The following P3H2 variants were observed in gnomAD, a reference collection of about 807,000 sequenced individuals.
P3H2 encodes the protein leprecan-like 1.
In P3H2, 80 loss-of-function variants were observed where a neutral mutation model predicts 87.0. The observed-to-expected ratio is 0.92, with a 90% CI of 0.77 to 1.11. P3H2 has a LOEUF of 1.11. Ranked by LOEUF, P3H2 falls within the 50% of genes least tolerant of loss-of-function variation. The probability of loss-of-function intolerance (pLI) is 0.00; values close to 1 mark genes in which losing one functional copy is unlikely to be tolerated. For synonymous variants in P3H2, 367 were observed against 359.3 expected (o/e 1.02, Z -0.24); for missense variants, 1,001 against 923.9 (o/e 1.08, Z -1.08).
rs879286759 is a variant in P3H2 at position 189,973,507 on chromosome 3, C to CTTTTTTTTTTTTTTTTTTTTT, written c.1548+401_1548+402insAAAAAAAAAAAAAAAAAAAAA. Among the ~76,000 whole-genome samples, 20 of 78,986 alleles carry CTTTTTTTTTTTTTTTTTTTTT rather than the reference C, an allele frequency of 2.5e-4. 1 individual carries two copies. The highest frequency in any genetic ancestry group is 3.6e-4 in the Non-Finnish European group (15 of 41,520). 51.8% of individuals were successfully genotyped at this position (78,986 alleles called of 152,430 possible). On this transcript the variant is annotated intron_variant, in intron 10 of 14. Coordinates refer to ENST00000319332, the MANE Select transcript of P3H2 (RefSeq NM_018192.4). Reference sequence around the variant, plus strand: ...TCAAAACTTTTTTCTTTCTTTCTTTCTTTCTTTTTTTTTTTTTTTTTTTTT... The same window carrying CTTTTTTTTTTTTTTTTTTTTT: ...TCAAAACTTTTTTCTTTCTTTCTTTCTTTTTTTTTTTTTTTTTTTTTTTTCTTTTTTTTTTTTTTTTTTTTT...
At chr3:190,091,580 A>C (rs1727410952) in intron 1 of P3H2, among the ~76,000 whole-genome samples, 1 of 152,232 alleles carries the variant, frequency 6.6e-6, no homozygotes, top group Admixed American at 6.5e-5. Flanking sequence ...AGTTTTCTTT[A>C]TAAATACCAA....
Position 189,958,993 on chromosome 3 carries a change from G to A in P3H2, c.2035-989C>T, listed in dbSNP as rs1444650900. Among the ~76,000 whole-genome samples, 3 of 151,748 alleles carry A rather than the reference G, an allele frequency of 2.0e-5. No homozygotes were observed. The East Asian group carries it at 5.8e-4, about 29-fold the overall frequency. ...AGTGAGCCACTGCACCCGGCCAATC[G>A]CTCCCTCTTGAGAGCCACCATTGTA... is the stretch of plus-strand genomic sequence containing the variant. On this transcript the variant is annotated intron_variant, in intron 14 of 14. Transcript: ENST00000319332.
At chr3:190,003,258 A>G (rs1034138729) in intron 1 of P3H2, among the ~76,000 whole-genome samples, 29 of 152,256 alleles carry the variant, frequency 1.9e-4, no homozygotes, top group African/African-American at 6.7e-4. Flanking sequence ...CACTCTAGTG[A>G]AGTTTTAGTC....
chr3:190,093,135 T>C (rs947847274), intron 1 of P3H2, among the ~76,000 whole-genome samples: 3 of 152,122 alleles, frequency 2.0e-5, no homozygotes, highest in Non-Finnish European at 4.4e-5. Context: ...TTCTAAGAAA[T>C]AATACTAAGC....
chr3:189,978,474 C>T (rs1723420279), intron 8 of P3H2, among the ~76,000 whole-genome samples: 1 of 152,118 alleles, frequency 6.6e-6, no homozygotes, highest in Non-Finnish European at 1.5e-5. Context: ...GACAATTCTC[C>T]TAGCATTCCA....
chr3:189,967,302 GT>G (rs1403797360), intron 13 of P3H2, among the ~76,000 whole-genome samples: 1 of 151,320 alleles, frequency 6.6e-6, no homozygotes, highest in East Asian at 1.9e-4. Flanking sequence ...TTTAAAAATA[GT>G]TATAGATTTT....
At chr3:190,030,022 A>G (rs1222458943) in intron 1 of P3H2, among the ~76,000 whole-genome samples, 1 of 152,036 alleles carries the variant, frequency 6.6e-6, no homozygotes, top group Admixed American at 6.6e-5. Context: ...AAGAAAAAAA[A>G]AGAAAAAAAG....
chr3:189,965,969 GAA>G (rs749675777), intron 13 of P3H2, among the ~76,000 whole-genome samples: 1 of 76,794 alleles, frequency 1.3e-5, no homozygotes, highest in African/African-American at 4.7e-5. Context: ...CTGGGTGACA[GAA>G]AAAAAAAAAA....
chr3:189,970,000 C>G, intron 13 of P3H2: 1 of 582,154 alleles, frequency 1.7e-6, no homozygotes, highest in Non-Finnish European at 3.1e-6. Context: ...AGGATGCTAA[C>G]TATATGGTCT....
At chr3:189,987,809 G>C in intron 4 of P3H2, 140 bp from the exon 5 acceptor site, 1 of 912,356 alleles carries the variant, frequency 1.1e-6, no homozygotes, top group Non-Finnish European at 1.7e-6. Flanking sequence ...AGCAGAGAAA[G>C]CAGAAACAGT....
At chr3:190,075,302 ATGG>A (rs1406204791) in intron 1 of P3H2, among the ~76,000 whole-genome samples, 1 of 152,156 alleles carries the variant, frequency 6.6e-6, no homozygotes, top group Non-Finnish European at 1.5e-5. Flanking sequence ...CCTGCCCAAC[ATGG>A]TGAAACCTTG....
chr3:190,034,221 A>T lies in P3H2; in HGVS notation c.481-38779T>A, dbSNP rs201235265. On this transcript the variant is annotated intron_variant, in intron 1 of 14. Coordinates refer to ENST00000319332, the MANE Select transcript of P3H2 (RefSeq NM_018192.4). ...GGATAGTTGAAATAATCACATATGA[A>T]TAATTGTTCCTCATAAACTCTGTCA... 1.2e-4 allele frequency among the ~76,000 whole-genome samples: 4 copies of T among 32,008 alleles called. No individual in the cohort carries two copies. In the East Asian group the frequency reaches 4.5e-3, roughly 36 times the overall value. 21.0% of individuals were successfully genotyped at this position (32,008 alleles called of 152,430 possible). A position where few individuals can be genotyped will look rare whatever the true frequency, so the allele number is the denominator to read the frequency against.
intron 1 of P3H2, among the ~76,000 whole-genome samples, chr3:189,999,911 G>T (rs1016201995): frequency 6.6e-6 from 1 of 152,116 alleles, no homozygotes; most frequent in African/African-American, 2.4e-5. Context: ...ATGACTACGT[G>T]GTAGTCATAC....
chr3:190,082,944 C>G (rs1360858478), intron 1 of P3H2, among the ~76,000 whole-genome samples: 1 of 152,036 alleles, frequency 6.6e-6, no homozygotes, highest in Non-Finnish European at 1.5e-5. Context: ...TTATATCATA[C>G]TCATGATTTG....
intron 14 of P3H2, among the ~76,000 whole-genome samples, chr3:189,960,943 C>CTTTT: frequency 6.9e-6 from 1 of 144,930 alleles, no homozygotes. Context: ...GGAAAACAAT[C>CTTTT]TTTTTTTTTT....
chr3:190,040,834 A>T (rs1024539954), intron 1 of P3H2, among the ~76,000 whole-genome samples: 1 of 151,320 alleles, frequency 6.6e-6, no homozygotes. Context: ...AGCTACTACA[A>T]AGCTAGTACA....
At chr3:190,033,908 C>T (rs893753733) in intron 1 of P3H2, among the ~76,000 whole-genome samples, 1 of 152,056 alleles carries the variant, frequency 6.6e-6, no homozygotes, top group Non-Finnish European at 1.5e-5. Context: ...GTTATTTTAC[C>T]GCCAAATATT....
chr3:190,013,090 G>A (rs1220500941), intron 1 of P3H2, among the ~76,000 whole-genome samples: 2 of 152,194 alleles, frequency 1.3e-5, no homozygotes, highest in African/African-American at 4.8e-5. Context: ...ATGGGCTACT[G>A]TGGACTAGTT....
At chr3:189,987,887 A>T in intron 4 of P3H2, 1 of 568,686 alleles carries the variant, frequency 1.8e-6, no homozygotes, top group Non-Finnish European at 3.1e-6. Context: ...CTTTGGTACT[A>T]GTTGTTTTGT....
Sources: allele counts gnomAD v4.1 joint callset (sites outside exome capture counted in the v4.1 genomes callset), GRCh38; gene constraint gnomAD v4.1.1; transcripts MANE v1.5; gene names NCBI Gene and HGNC (gene_info 2026-07-23, HGNC 2026-07-21).